The following ZNF668 variants were observed in gnomAD, a reference collection of about 807,000 sequenced individuals.
The protein encoded by ZNF668 is zinc finger protein 668.
ZNF668 carries 10 observed loss-of-function variants against 40.3 expected under a neutral mutation model. The observed-to-expected ratio is 0.25, with a 90% CI of 0.15 to 0.42. ZNF668 has a LOEUF of 0.42. ZNF668 is among the 10% of genes least tolerant of loss of function. The pLI is 1.00. For missense variants in ZNF668, 749 were observed against 904.6 expected (o/e 0.83, Z 2.21); for synonymous variants, 428 against 384.6 (o/e 1.11, Z -1.32).
intron 1 of ZNF668, chr16:31,064,748 G>C: frequency 1.3e-6 from 2 of 1,518,384 alleles, no homozygotes; most frequent in Non-Finnish European, 1.8e-6. Flanking sequence ...CCCCCAACGG[G>C]CTTTTCCAAA....
Position 31,061,298 on chromosome 16 carries a change from A to G in ZNF668, c.1630T>C (p.Phe544Leu). ...CTCTTGCCGCACTGGGTGCAGGGGA[A>G]GGGCCGGAGCTCCGGGTGTGAGCGC... Reference protein sequence around the residue: ...HERSHPELRPFPCTQCGKSFS... With the variant: ...HERSHPELRPLPCTQCGKSFS... Residue 544 changes from phenylalanine to leucine, a missense_variant, in exon 3 of 3, where the codon TTC (phenylalanine) becomes CTC (leucine). By Grantham distance (22) the Phe-to-Leu change is conservative (BLOSUM62 0). Coordinates refer to ENST00000300849, the MANE Select transcript of ZNF668 (RefSeq NM_024706.5). This position sits in a 1 kb window ranked among gnomAD's most constrained non-coding sequence, Gnocchi z 7.7. 1.3e-6 allele frequency: 2 copies of G among 1,572,498 alleles called. No individual in the cohort carries two copies. Among genetic ancestry groups the G allele is most frequent in the South Asian group, 1.2e-5 (1 of 83,446 alleles).
intron 1 of ZNF668, chr16:31,066,185 T>A: frequency 1.0e-6 from 1 of 985,354 alleles, no homozygotes. Flanking sequence ...AAGTAATGAA[T>A]GATGTTTCCT....
In ZNF668 at chr16:31,060,906, G is replaced by GCCAGCCTCCACTGTC; in HGVS notation, c.*147_*161dup. 1.2e-6 allele frequency: 1 copy of GCCAGCCTCCACTGTC among 844,130 alleles called. No homozygotes were observed. Among genetic ancestry groups the GCCAGCCTCCACTGTC allele is most frequent in the Non-Finnish European group, 1.7e-6 (1 of 599,694 alleles). 52.3% of individuals were successfully genotyped at this position (844,130 alleles called of 1,614,324 possible). ...CCTAGACAGTCACGTCTCAGCTTCT[G>GCCAGCCTCCACTGTC]CCAGCCTCCACTGTCCCAGCTCTCT... On this transcript the variant is annotated 3_prime_UTR_variant, in exon 3 of 3. Transcript: ENST00000300849.
In ZNF668 at chr16:31,061,153, C is replaced by T. The variant is rs777692443; in HGVS notation, c.1775G>A (p.Arg592His). The change falls in exon 3 of 3, where the codon CGC becomes CAC. Residue 592 changes from arginine (R) to histidine (H), a missense_variant. Coordinates refer to ENST00000300849, the MANE Select transcript of ZNF668 (RefSeq NM_024706.5). The surrounding 1 kb of genome is among the most constrained non-coding windows in gnomAD (Gnocchi z 7.7). ...LSASDLRKHE[R>H]THPVPMGTPT... ...GGTCCCCATGGGCACAGGGTGGGTG[C>T]GTTCATGCTTGCGCAAGTCGCTGGC... 6 of 1,516,158 alleles carry T rather than the reference C, an allele frequency of 4.0e-6. No individual in the cohort carries two copies. Among genetic ancestry groups the T allele is most frequent in the African/African-American group, 2.8e-5 (2 of 71,562 alleles). The allele number at this position is 1,516,158 out of a possible 1,614,324, so 93.9% of individuals were successfully genotyped here.
chr16:31,064,229 G>A lies in ZNF668; in HGVS notation c.231C>T (p.Ser77=), dbSNP rs1224381793. The part of the protein sequence containing the change: ...EEASGEKVSG[S]AAKPRPYACP... ...ACGCATAGGGCCTAGGCTTGGCCGC[G>A]GAGCCTGACACCTTCTCCCCACTGG... is the stretch of plus-strand genomic sequence containing the variant. Residue 77 remains serine (S), a synonymous_variant, in exon 2 of 3, where the codon TCC becomes TCT. Coordinates refer to ENST00000300849, the MANE Select transcript of ZNF668 (RefSeq NM_024706.5). The A allele has an allele frequency of 1.2e-6, 2 of 1,613,352 alleles. No homozygotes were observed. The highest frequency in any genetic ancestry group is 1.1e-5 in the South Asian group (1 of 91,090).
At position 31,064,002 on chromosome 16, in the gene ZNF668, G is replaced by A; in HGVS notation, c.458C>T (p.Ser153Phe). Residue 153 changes from serine (S) to phenylalanine (F), a missense_variant, in exon 2 of 3, where the codon TCC (serine) becomes TTC (phenylalanine). Around this residue, in one of 4 missense-constraint regions of ZNF668, gnomAD observed 151 missense variants for 178.6 expected, o/e 0.85. Coordinates refer to ENST00000300849, the MANE Select transcript of ZNF668 (RefSeq NM_024706.5). ...GCCACGCTGGTGGATCTTGAGCTTG[G>A]AGAGCGCGCCATAGGCCTTCGGGCA... is the stretch of plus-strand genomic sequence containing the variant. ...AHCPKAYGAL[S>F]KLKIHQRGHT... The A allele has an allele frequency of 1.9e-6, 3 of 1,609,886 alleles. No homozygotes were observed. The highest frequency in any genetic ancestry group is 2.5e-6 in the Non-Finnish European group (3 of 1,177,412).
At chr16:31,068,457 C>T (rs1049223855) in intron 1 of ZNF668, among the ~76,000 whole-genome samples, 10 of 149,682 alleles carry the variant, frequency 6.7e-5, no homozygotes, top group Non-Finnish European at 4.4e-5. Context: ...CTCCTGACCT[C>T]GTGATCCGAC....
chr16:31,060,879 C>T lies in ZNF668; in HGVS notation c.*189G>A, dbSNP rs2143752090. On this transcript the variant is annotated 3_prime_UTR_variant, in exon 3 of 3. Transcript: ENST00000300849. ...AAAATGAAAGCTTTAATGAGTGTTACTCCTAGACAGTCACGTCTCAGCTTC... is the reference window on the plus strand; with the variant it reads ...AAAATGAAAGCTTTAATGAGTGTTATTCCTAGACAGTCACGTCTCAGCTTC... The T allele has an allele frequency of 1.7e-6, 1 of 599,416 alleles. No homozygotes were observed. The highest frequency in any genetic ancestry group is 3.2e-5 in the East Asian group (1 of 30,876). The allele number at this position is 599,416 out of a possible 1,614,324, so 37.1% of individuals were successfully genotyped here. A position where few individuals can be genotyped will look rare whatever the true frequency, so the allele number is the denominator to read the frequency against.
rs2057040844 is a variant in ZNF668, at chr16:31,073,892, T to C, written c.-256A>G. ...GCATCTTGCAAGAGGTCTCTGTGTG[T>C]GCTGAGGCAAGGGGACGCCAGGCAG... On this transcript the variant is annotated 5_prime_UTR_variant, in exon 1 of 3. Transcript: ENST00000300849. 1 of 152,132 alleles carries C rather than the reference T, an allele frequency of 6.6e-6. No individual in the cohort carries two copies. Among genetic ancestry groups the C allele is most frequent in the Non-Finnish European group, 1.5e-5 (1 of 68,052 alleles). The allele number at this position is 152,132 out of a possible 1,614,324, so 9.4% of individuals were successfully genotyped here. A position where few individuals can be genotyped will look rare whatever the true frequency, so the allele number is the denominator to read the frequency against.
intron 2 of ZNF668, chr16:31,062,506 C>A (rs969954908): frequency 3.5e-5 from 20 of 576,558 alleles, no homozygotes; most frequent in Non-Finnish European, 4.6e-5. Context: ...ATGGGCCGGG[C>A]GCGGTGGCTC....
Position 31,060,983 on chromosome 16 carries a change from A to G in ZNF668, c.*85T>C. 7.3e-7 allele frequency: 1 copy of G among 1,377,540 alleles called. No homozygotes were observed. Among genetic ancestry groups the G allele is most frequent in the Non-Finnish European group, 9.5e-7 (1 of 1,057,330 alleles). The allele number at this position is 1,377,540 out of a possible 1,614,324, so 85.3% of individuals were successfully genotyped here. A position where few individuals can be genotyped will look rare whatever the true frequency, so the allele number is the denominator to read the frequency against. On this transcript the variant is annotated 3_prime_UTR_variant, in exon 3 of 3. Transcript: ENST00000300849. Reference sequence around the variant, plus strand: ...CTGAGGGGTAGGGATCTGGAGTCTAAAGAGCAGAGCCAGGCAAAAGGAGGT... The same window carrying G: ...CTGAGGGGTAGGGATCTGGAGTCTAGAGAGCAGAGCCAGGCAAAAGGAGGT...
Position 31,074,000 on chromosome 16 carries a change from A to G in ZNF668, c.-364T>C, listed in dbSNP as rs1447547154. 1 of 152,248 alleles carries G rather than the reference A, an allele frequency of 6.6e-6. No homozygotes were observed. Among genetic ancestry groups the G allele is most frequent in the Non-Finnish European group, 1.5e-5 (1 of 68,056 alleles). The allele number at this position is 152,248 out of a possible 1,614,324, so 9.4% of individuals were successfully genotyped here. A position where few individuals can be genotyped will look rare whatever the true frequency, so the allele number is the denominator to read the frequency against. The stretch of plus-strand genomic sequence containing the variant: ...CAAGAACCAGAAGGTGGGAGGACAA[A>G]AAGGCCATGCTCAAGCTCTGCAAAA... On this transcript the variant is annotated 5_prime_UTR_variant, in exon 1 of 3. Coordinates refer to ENST00000300849, the MANE Select transcript of ZNF668 (RefSeq NM_024706.5).
chr16:31,070,209 C>T (rs1216802784), intron 1 of ZNF668, among the ~76,000 whole-genome samples: 1 of 151,688 alleles, frequency 6.6e-6, no homozygotes, highest in Non-Finnish European at 1.5e-5. Context: ...TGAGCCACCG[C>T]GCCCGGCCCT....
chr16:31,064,190 G>A lies in ZNF668; in HGVS notation c.270C>T (p.Pro90=), dbSNP rs557241025. Residue 90 remains proline (P), a synonymous_variant, in exon 2 of 3, where the codon CCC becomes CCT. Transcript: ENST00000300849. ...GCTCGGGTGCCGTCTTGTAGGCCTT[G>A]GGGCATAGCGGACACGCATAGGGCC... ...KPRPYACPLC[P]KAYKTAPELR... is the part of the protein sequence containing the mutation. 1.2e-6 allele frequency: 2 copies of A among 1,612,206 alleles called. No homozygotes were observed. The highest frequency in any genetic ancestry group is 1.1e-5 in the South Asian group (1 of 91,082).
intron 1 of ZNF668, among the ~76,000 whole-genome samples, chr16:31,068,242 ATATATATAT>A: frequency 1.1e-5 from 1 of 88,570 alleles, no homozygotes; most frequent in African/African-American, 5.1e-5. Flanking sequence ...AAAAAAAAAT[ATATATATAT>A]ATATATATAT....
rs547977452 is a variant in ZNF668 at position 31,073,885 on chromosome 16, C to T, written c.-249G>A. The T allele has an allele frequency of 6.6e-6, 1 of 152,218 alleles. No individual in the cohort carries two copies. The highest frequency in any genetic ancestry group is 1.5e-5 in the Non-Finnish European group (1 of 68,064). The allele number at this position is 152,218 out of a possible 1,614,324, so 9.4% of individuals were successfully genotyped here. ...CAGAGAAGCATCTTGCAAGAGGTCT[C>T]TGTGTGTGCTGAGGCAAGGGGACGC... On this transcript the variant is annotated 5_prime_UTR_variant, in exon 1 of 3. Transcript: ENST00000300849.
chr16:31,064,085 C>T lies in ZNF668; in HGVS notation c.375G>A (p.Val125=), dbSNP rs1165435516. 3 of 1,605,924 alleles carry T rather than the reference C, an allele frequency of 1.9e-6. No homozygotes were observed. The African/African-American group carries it at 4.0e-5, about 21-fold the overall frequency. ...PECGRRFMQP[V]CLRVHLASHA... is the part of the protein sequence containing the mutation. ...GCGAGGCCAGGTGCACGCGCAGGCA[C>T]ACGGGCTGCATGAAGCGGCGGCCGC... The change falls in exon 2 of 3, where the codon GTG becomes GTA. Residue 125 remains valine, a synonymous_variant. Coordinates refer to ENST00000300849, the MANE Select transcript of ZNF668 (RefSeq NM_024706.5).
rs765899998 is a variant in ZNF668, at chr16:31,063,870, C to T, written c.590G>A (p.Ser197Asn). 1.9e-5 allele frequency: 30 copies of T among 1,595,410 alleles called. No individual in the cohort carries two copies. Among genetic ancestry groups the T allele is most frequent in the Non-Finnish European group, 2.3e-5 (27 of 1,171,216 alleles). ...RRTHAGLRPY[S>N]CERCGKAYAE... ...ATAGGCTTTGCCGCAACGCTCACAG[C>T]TGTAGGGCCGCAGGCCAGCGTGAGT... The change falls in exon 2 of 3, where the codon AGC (serine) becomes AAC (asparagine). Residue 197 changes from serine (S) to asparagine (N), a missense_variant. Physicochemically the swap from Ser to Asn is conservative, Grantham distance 46. Coordinates refer to ENST00000300849, the MANE Select transcript of ZNF668 (RefSeq NM_024706.5).
rs1233372338 is a variant in ZNF668, at chr16:31,061,364, T to A, written c.1564A>T (p.Lys522Ter). 3 of 1,613,136 alleles carry A rather than the reference T, an allele frequency of 1.9e-6. No individual in the cohort carries two copies. The African/African-American group carries it at 4.0e-5, about 22-fold the overall frequency. ...AGCGTCATTGTGGAGAAGGTCTCCT[T>A]GCACTCTCGGCACACAAACTGGGGG... ...KPPQFVCREC[K>*]ETFSTMTLLR... The change falls in exon 3 of 3, where the codon AAG becomes TAG. Residue 522 changes from lysine (K) to a stop codon, truncating the protein, a stop_gained. Transcript: ENST00000300849. LOFTEE classifies it high-confidence loss of function. The surrounding 1 kb of genome is among the most constrained non-coding windows in gnomAD (Gnocchi z 7.7).
Sources: gnomAD v4.1 joint callset for allele counts (sites outside exome capture counted in the v4.1 genomes callset) on GRCh38, gnomAD v4.1.1 for gene constraint, gnomAD v4.1.1 regional missense constraint, Gnocchi (gnomAD v3.1) non-coding constraint, MANE v1.5 for transcripts, NCBI Gene and HGNC (gene_info 2026-07-23, HGNC 2026-07-21) for gene names.